Variants in MALRD1 observed in about 807,000 individuals in gnomAD.
MALRD1 encodes the protein MAM and LDL-receptor class A domain-containing protein 1.
A neutral mutation model predicts 242.1 loss-of-function variants in MALRD1; 247 were observed. That is an observed-to-expected ratio of 1.02 (90% CI 0.92 to 1.13). MALRD1 has a LOEUF of 1.13. Ranked by LOEUF, MALRD1 falls within the 50% of genes most tolerant of loss-of-function variation. MALRD1 has a pLI of 0.00. For missense variants in MALRD1, 2,989 were observed against 2,533.1 expected (o/e 1.18, Z -3.86); for synonymous variants, 995 against 866.6 (o/e 1.15, Z -2.60).
In MALRD1 at chr10:19,532,266, G is replaced by T. The variant is rs117057992; in HGVS notation, c.5478+915G>T. The stretch of plus-strand genomic sequence containing the variant: ...TCTGATATCTTTTTTTTGGTGGGGG[G>T]CAGGGAGAGACAGAGTCTTGCTCTG... On this transcript the variant is annotated intron_variant, in intron 32 of 39. Coordinates refer to ENST00000454679, the MANE Select transcript of MALRD1 (RefSeq NM_001142308.3). 2.7e-3 allele frequency among the ~76,000 whole-genome samples: 404 copies of T among 152,000 alleles called. 7 individuals carry two copies. In the East Asian group the frequency reaches 0.057, roughly 21 times the overall value.
At chr10:19,538,048 C>A (rs7920902) in intron 32 of MALRD1, among the ~76,000 whole-genome samples, 6,424 of 152,198 alleles carry the variant, frequency 0.042, 443 homozygotes, top group African/African-American at 0.15. Context: ...TAAAGCATAT[C>A]TAAATTTTAT....
rs1003823623 is a variant in MALRD1 at position 19,712,388 on chromosome 10, G to T, written c.6315-18318G>T. 2.0e-5 allele frequency among the ~76,000 whole-genome samples: 3 copies of T among 152,150 alleles called. 1 individual carries two copies. The highest frequency in any genetic ancestry group is 4.1e-4 in the South Asian group (2 of 4,830). On this transcript the variant is annotated intron_variant, in intron 38 of 39. Coordinates refer to ENST00000454679, the MANE Select transcript of MALRD1 (RefSeq NM_001142308.3). ...TTGCAATGTTTCCATTGTTCTAAAAGCTGAAATTGTTCATAGATTCAGAAC... is the reference window on the plus strand; with the variant it reads ...TTGCAATGTTTCCATTGTTCTAAAATCTGAAATTGTTCATAGATTCAGAAC...
chr10:19,379,969 T>G (rs1307755266), intron 26 of MALRD1, among the ~76,000 whole-genome samples: 1 of 150,530 alleles, frequency 6.6e-6, no homozygotes, highest in African/African-American at 2.5e-5. Flanking sequence ...TTTATTTTTA[T>G]TTAATTTTTT....
chr10:19,421,449 T>G (rs1341816694), intron 28 of MALRD1, among the ~76,000 whole-genome samples: 1 of 152,174 alleles, frequency 6.6e-6, no homozygotes, highest in Non-Finnish European at 1.5e-5. Flanking sequence ...GGATTATTTA[T>G]AATTTCTGGT....
intron 28 of MALRD1, among the ~76,000 whole-genome samples, chr10:19,398,875 A>C (rs1846702840): frequency 6.6e-6 from 1 of 152,230 alleles, no homozygotes; most frequent in African/African-American, 2.4e-5. Flanking sequence ...TTTAGAGCAG[A>C]CTAAGTATAA....
At chr10:19,172,635 T>C in intron 13 of MALRD1, among the ~76,000 whole-genome samples, 1 of 151,436 alleles carries the variant, frequency 6.6e-6, no homozygotes, top group South Asian at 2.1e-4. Flanking sequence ...TGTACCTCTT[T>C]AGGAGCATAG....
chr10:19,261,297 A>C (rs1839735250), intron 19 of MALRD1, among the ~76,000 whole-genome samples: 1 of 152,118 alleles, frequency 6.6e-6, no homozygotes, highest in Non-Finnish European at 1.5e-5. Context: ...AACTTGAAAA[A>C]CTGTAGGAGC....
At chr10:19,248,400 AAAAT>A (rs1258114108) in intron 18 of MALRD1, among the ~76,000 whole-genome samples, 10 of 149,014 alleles carry the variant, frequency 6.7e-5, no homozygotes, top group African/African-American at 2.2e-4. Context: ...TGAAAAAAAA[AAAAT>A]AAAGTGTGAC....
intron 34 of MALRD1, among the ~76,000 whole-genome samples, chr10:19,601,836 C>T (rs775333713): frequency 3.9e-5 from 6 of 151,994 alleles, no homozygotes; most frequent in Non-Finnish European, 7.4e-5. Flanking sequence ...TGAGTAGTAT[C>T]TGCCATATTT....
intron 31 of MALRD1, among the ~76,000 whole-genome samples, chr10:19,502,012 C>CAAAAAAAAAA (rs1181159875): frequency 7.4e-4 from 30 of 40,372 alleles, no homozygotes; most frequent in African/African-American, 1.4e-3. Context: ...GATTCTGTCT[C>CAAAAAAAAAA]AAAAAAAAAA....
chr10:19,050,321 T>G (rs1325078456), intron 1 of MALRD1, among the ~76,000 whole-genome samples: 1 of 151,222 alleles, frequency 6.6e-6, no homozygotes, highest in Non-Finnish European at 1.5e-5. Flanking sequence ...TCTCCTGACC[T>G]CGTGATCCGC....
intron 18 of MALRD1, among the ~76,000 whole-genome samples, chr10:19,222,363 A>T (rs187383277): frequency 7.4e-4 from 112 of 152,240 alleles, no homozygotes; most frequent in Non-Finnish European, 1.4e-3. Flanking sequence ...TATGCTCTCC[A>T]GCCGAGGGAC....
At chr10:19,674,685 A>G (rs1375425934) in intron 36 of MALRD1, among the ~76,000 whole-genome samples, 1 of 152,218 alleles carries the variant, frequency 6.6e-6, no homozygotes, top group African/African-American at 2.4e-5. Context: ...CAGACTTCCT[A>G]TGAAAAGAGG....
chr10:19,061,867 G>A (rs1834832293), intron 1 of MALRD1, among the ~76,000 whole-genome samples: 1 of 152,162 alleles, frequency 6.6e-6, no homozygotes, highest in Admixed American at 6.5e-5. Flanking sequence ...AATATTAGAT[G>A]TGGTAAAGAT....
intron 21 of MALRD1, among the ~76,000 whole-genome samples, chr10:19,294,841 A>G (rs1841614232): frequency 6.6e-6 from 1 of 152,166 alleles, no homozygotes. Flanking sequence ...AAGTGTTTAG[A>G]TATAGATAAG....
chr10:19,343,647 C>T (rs1255270593), intron 24 of MALRD1, among the ~76,000 whole-genome samples: 1 of 152,084 alleles, frequency 6.6e-6, no homozygotes, highest in Non-Finnish European at 1.5e-5. Context: ...GCATCATCCT[C>T]TTGAGATCCA....
intron 36 of MALRD1, among the ~76,000 whole-genome samples, chr10:19,623,821 G>A (rs1016449044): frequency 2.0e-5 from 3 of 151,814 alleles, no homozygotes; most frequent in Admixed American, 2.0e-4. Context: ...TGATTAAAAT[G>A]CTAATCTCTT....
In MALRD1 at chr10:19,491,644, T is replaced by C; in HGVS notation, c.5157T>C (p.Cys1719=). Residue 1719 remains cysteine (C), a splice_region_variant and synonymous_variant, in exon 30 of 40, where the codon TGT becomes TGC. Coordinates refer to ENST00000454679, the MANE Select transcript of MALRD1 (RefSeq NM_001142308.3). The part of the protein sequence containing the change: ...DCSDRSDEAH[C]AHYTSTTGSC... ...CTGATAGGTCTGATGAAGCTCACTG[T>C]GGTAAGTTTATCTATCTGCTGTATG... 1 of 1,548,980 alleles carries C rather than the reference T, an allele frequency of 6.5e-7. No homozygotes were observed.
intron 36 of MALRD1, among the ~76,000 whole-genome samples, chr10:19,641,665 A>G (rs564972228): frequency 6.6e-6 from 1 of 152,306 alleles, no homozygotes; most frequent in South Asian, 2.1e-4. Context: ...TTGTTAGGAA[A>G]GAATTAGCAT....
Sources: gnomAD v4.1 joint callset for allele counts (sites outside exome capture counted in the v4.1 genomes callset) on GRCh38, gnomAD v4.1.1 for gene constraint, MANE v1.5 for transcripts, NCBI Gene and HGNC (gene_info 2026-07-23, HGNC 2026-07-21) for gene names.